The following PCCA variants were observed in gnomAD, a reference collection of about 807,000 sequenced individuals.
PCCA encodes propionyl-CoA carboxylase subunit alpha.
In PCCA, 74 loss-of-function variants were observed where a neutral mutation model predicts 101.3. The ratio of observed to expected loss-of-function variants is 0.73; its 90% CI spans 0.61 to 0.89. PCCA has a LOEUF of 0.89. PCCA is among the 40% of genes least tolerant of loss of function. PCCA has a pLI of 0.00. For missense variants in PCCA, 891 were observed against 907.0 expected, an observed-to-expected ratio of 0.98 and a Z score of 0.23; for synonymous variants, 294 against 313.6, an observed-to-expected ratio of 0.94 and a Z score of 0.66.
At chr13:100,143,395 TGTG>T (rs143728517) in intron 4 of PCCA, among the ~76,000 whole-genome samples, 116 of 151,734 alleles carry the variant, frequency 7.6e-4, no homozygotes, top group Non-Finnish European at 1.5e-3. Context: ...ATTAGCTAGC[TGTG>T]GTGGTGCACG....
Position 100,172,162 on chromosome 13 carries a change from C to G in PCCA, c.468+14822C>G, listed in dbSNP as rs1199100825. ...GCTGCAGTGAGCTGAGATTGCACCACTACACTCCAGCCTGGGTGACAGAGC... is the reference window on the plus strand; with the variant it reads ...GCTGCAGTGAGCTGAGATTGCACCAGTACACTCCAGCCTGGGTGACAGAGC... On this transcript the variant is annotated intron_variant, in intron 6 of 23. Coordinates refer to ENST00000376285, the MANE Select transcript of PCCA (RefSeq NM_000282.4). Among the ~76,000 whole-genome samples the G allele has an allele frequency of 2.1e-4, 32 of 150,038 alleles. 1 individual carries two copies. Among genetic ancestry groups the G allele is most frequent in the Admixed American group, 2.0e-3 (30 of 15,000 alleles).
At chr13:100,213,336 C>T (rs560041764) in intron 7 of PCCA, among the ~76,000 whole-genome samples, 31 of 152,264 alleles carry the variant, frequency 2.0e-4, no homozygotes, top group Admixed American at 7.2e-4. Flanking sequence ...AGTGGCTTTA[C>T]TAATTTGCAT....
At chr13:100,352,905 A>G (rs1431345590) in intron 18 of PCCA, among the ~76,000 whole-genome samples, 1 of 152,088 alleles carries the variant, frequency 6.6e-6, no homozygotes, top group African/African-American at 2.4e-5. Context: ...TTTTTCCTAT[A>G]TTGCCCAGGC....
At chr13:100,422,072 T>C (rs60037906) in intron 19 of PCCA, among the ~76,000 whole-genome samples, 15 of 95,070 alleles carry the variant, frequency 1.6e-4, no homozygotes, top group African/African-American at 7.6e-4. Context: ...CTCTTTTCTT[T>C]TCTTTCTTTC....
At chr13:100,526,021 G>A (rs965435536) in intron 22 of PCCA, among the ~76,000 whole-genome samples, 2 of 152,236 alleles carry the variant, frequency 1.3e-5, no homozygotes, top group African/African-American at 4.8e-5. Context: ...GTCGCAGTGA[G>A]TCCAGCTTCT....
intron 4 of PCCA, among the ~76,000 whole-genome samples, chr13:100,123,474 C>T (rs1293289969): frequency 2.6e-5 from 4 of 152,006 alleles, no homozygotes; most frequent in African/African-American, 7.2e-5. Context: ...AATGTAACCT[C>T]GTAGAAGCAA....
chr13:100,444,483 C>A (rs1472839130), intron 20 of PCCA, among the ~76,000 whole-genome samples: 8 of 143,042 alleles, frequency 5.6e-5, no homozygotes, highest in African/African-American at 8.2e-5. Context: ...CGCCCTGTCA[C>A]CCAGGCTGGA....
chr13:100,434,530 G>A (rs1338061650), intron 20 of PCCA, among the ~76,000 whole-genome samples: 1 of 152,130 alleles, frequency 6.6e-6, no homozygotes, highest in Non-Finnish European at 1.5e-5. Flanking sequence ...TCCAAAGCTG[G>A]CCGGTAGCCC....
chr13:100,290,731 T>A (rs1032534356), intron 12 of PCCA, among the ~76,000 whole-genome samples: 2 of 152,232 alleles, frequency 1.3e-5, no homozygotes, highest in Non-Finnish European at 2.9e-5. Flanking sequence ...GTTTTTGCAA[T>A]TTAGGTCTAC....
intron 22 of PCCA, 63 bp from the exon 23 acceptor site, chr13:100,527,612 A>T (rs759621049): frequency 3.9e-5 from 44 of 1,121,388 alleles, no homozygotes; most frequent in Non-Finnish European, 5.6e-5. Context: ...TAATGGCTTC[A>T]TTCCTAAGTG....
intron 8 of PCCA, among the ~76,000 whole-genome samples, chr13:100,255,269 C>T (rs1038330220): frequency 1.3e-5 from 2 of 152,214 alleles, no homozygotes; most frequent in African/African-American, 4.8e-5. Flanking sequence ...TCTCTAATGA[C>T]TTCCCACCTT....
chr13:100,311,555 A>T (rs2066916394), intron 16 of PCCA, among the ~76,000 whole-genome samples: 1 of 152,158 alleles, frequency 6.6e-6, no homozygotes, highest in Non-Finnish European at 1.5e-5. Context: ...AGATCACTTG[A>T]GGTCAGGAGC....
intron 19 of PCCA, among the ~76,000 whole-genome samples, chr13:100,381,312 C>A (rs1489420570): frequency 6.6e-6 from 1 of 151,836 alleles, no homozygotes; most frequent in Non-Finnish European, 1.5e-5. Flanking sequence ...TGGCATGAAC[C>A]CGGGAGGTGG....
intron 21 of PCCA, among the ~76,000 whole-genome samples, chr13:100,463,342 T>G (rs1001062023): frequency 6.8e-6 from 1 of 146,094 alleles, no homozygotes; most frequent in African/African-American, 2.5e-5. Flanking sequence ...TGTGGTTTTT[T>G]TTTTTTTTTT....
At chr13:100,422,628 C>T (rs1467711126) in intron 19 of PCCA, among the ~76,000 whole-genome samples, 1 of 152,166 alleles carries the variant, frequency 6.6e-6, no homozygotes, top group African/African-American at 2.4e-5. Context: ...GTTGTCTTCT[C>T]AGTAAATTGG....
intron 12 of PCCA, among the ~76,000 whole-genome samples, chr13:100,275,740 G>T (rs1464544340): frequency 6.6e-6 from 1 of 151,518 alleles, no homozygotes; most frequent in East Asian, 1.9e-4. Flanking sequence ...AAGTTTGGGG[G>T]TTATAAATAC....
At chr13:100,326,593 G>C (rs900503852) in intron 16 of PCCA, among the ~76,000 whole-genome samples, 1 of 152,054 alleles carries the variant, frequency 6.6e-6, no homozygotes, top group Non-Finnish European at 1.5e-5. Flanking sequence ...GTTATACAGA[G>C]TGTGCCGCCT....
intron 20 of PCCA, among the ~76,000 whole-genome samples, chr13:100,427,009 C>T (rs1053726802): frequency 2.0e-5 from 3 of 152,104 alleles, no homozygotes; most frequent in Non-Finnish European, 4.4e-5. Flanking sequence ...TGAGGTGAAG[C>T]GTTCCAGACC....
intron 22 of PCCA, among the ~76,000 whole-genome samples, chr13:100,525,313 T>A (rs1286741045): frequency 6.6e-6 from 1 of 152,226 alleles, no homozygotes; most frequent in African/African-American, 2.4e-5. Flanking sequence ...TGTCTCGGGC[T>A]AAATCCGAGG....
Sources: gnomAD v4.1 joint callset for allele counts (sites outside exome capture counted in the v4.1 genomes callset) on GRCh38, gnomAD v4.1.1 for gene constraint, MANE v1.5 for transcripts, NCBI Gene and HGNC (gene_info 2026-07-23, HGNC 2026-07-21) for gene names.